The following ITGA9 variants were observed in gnomAD, a reference collection of about 807,000 sequenced individuals.
ITGA9 encodes integrin subunit alpha 9.
Under a neutral mutation model 127.8 loss-of-function variants are expected in ITGA9, and 56 were observed. That is an observed-to-expected ratio of 0.44 (90% CI 0.35 to 0.55). The LOEUF (loss-of-function observed/expected upper bound fraction) is 0.55. Ranked by LOEUF, ITGA9 falls within the 20% of genes least tolerant of loss-of-function variation. The probability of loss-of-function intolerance (pLI) is 0.00; values close to 1 mark genes in which losing one functional copy is unlikely to be tolerated. For synonymous variants in ITGA9, 508 were observed against 514.5 expected (o/e 0.99, Z 0.17); for missense variants, 1,196 against 1,347.1 (o/e 0.89, Z 1.76).
At chr3:37,732,948 T>G (rs1467329302) in intron 19 of ITGA9, 150 bp downstream of exon 19, 36 of 694,184 alleles carry the variant, frequency 5.2e-5, no homozygotes, top group Admixed American at 6.1e-5. Context: ...GACATGCTCC[T>G]GTCCCTGGCT....
Position 37,651,129 on chromosome 3 carries a change from A to G in ITGA9, c.1840-2585A>G, listed in dbSNP as rs377570900. Reference sequence around the variant, plus strand: ...TATTTGTGTACATGTGCATGTGTGCATATACACACACGCACTGTGTGTGTG... The same window carrying G: ...TATTTGTGTACATGTGCATGTGTGCGTATACACACACGCACTGTGTGTGTG... On this transcript the variant is annotated intron_variant, in intron 16 of 27. Coordinates refer to ENST00000264741, the MANE Select transcript of ITGA9 (RefSeq NM_002207.3). Among the ~76,000 whole-genome samples the G allele has an allele frequency of 1.1e-4, 17 of 152,308 alleles. No homozygotes were observed. In the South Asian group the frequency reaches 3.1e-3, roughly 28 times the overall value.
At chr3:37,706,028 TG>T (rs1345150288) in intron 18 of ITGA9, among the ~76,000 whole-genome samples, 1 of 152,142 alleles carries the variant, frequency 6.6e-6, no homozygotes, top group Non-Finnish European at 1.5e-5. Flanking sequence ...CAGCAAAAAG[TG>T]GAAAGACTGG....
chr3:37,561,200 T>G (rs889440100), intron 15 of ITGA9, among the ~76,000 whole-genome samples: 24 of 152,224 alleles, frequency 1.6e-4, no homozygotes, highest in African/African-American at 5.5e-4. Flanking sequence ...TAGTCCAATA[T>G]AGCCAAAATG....
intron 3 of ITGA9, among the ~76,000 whole-genome samples, chr3:37,475,643 G>A (rs1186586323): frequency 6.6e-6 from 1 of 152,192 alleles, no homozygotes; most frequent in African/African-American, 2.4e-5. Flanking sequence ...CACTCAGTAA[G>A]CCACTGTATA....
intron 16 of ITGA9, among the ~76,000 whole-genome samples, chr3:37,645,100 A>C (rs1182045844): frequency 2.0e-5 from 3 of 152,136 alleles, no homozygotes; most frequent in Non-Finnish European, 4.4e-5. Flanking sequence ...AAAAAAATTT[A>C]AATACTGTGC....
At chr3:37,743,827 TG>T in intron 21 of ITGA9, 98 bp from the exon 22 acceptor site, 1 of 862,190 alleles carries the variant, frequency 1.2e-6, no homozygotes. Context: ...TGCAAGACAC[TG>T]GATTAAATTG....
At chr3:37,591,577 T>A (rs1442311873) in intron 15 of ITGA9, among the ~76,000 whole-genome samples, 5 of 152,132 alleles carry the variant, frequency 3.3e-5, no homozygotes, top group Non-Finnish European at 5.9e-5. Flanking sequence ...TAGATCTGCT[T>A]TGGGGCTGTC....
intron 7 of ITGA9, among the ~76,000 whole-genome samples, chr3:37,506,325 C>T (rs538128091): frequency 1.3e-5 from 2 of 152,220 alleles, no homozygotes; most frequent in East Asian, 3.9e-4. Context: ...AGGTTTTTCA[C>T]AGCTGACCAT....
chr3:37,732,842 G>C, intron 19 of ITGA9, 44 bp downstream of exon 19: 1 of 1,450,844 alleles, frequency 6.9e-7, no homozygotes, highest in Non-Finnish European at 9.6e-7. Flanking sequence ...CAGGCCCCCA[G>C]CCCTTCCACC....
At chr3:37,809,851 C>A (rs989050943) in intron 27 of ITGA9, among the ~76,000 whole-genome samples, 3 of 152,318 alleles carry the variant, frequency 2.0e-5, no homozygotes, top group African/African-American at 7.2e-5. Context: ...ACTGACAGTA[C>A]GGTGCAGTAA....
intron 15 of ITGA9, chr3:37,585,668 C>A (rs747780085): frequency 3.9e-6 from 2 of 513,404 alleles, no homozygotes; most frequent in Non-Finnish European, 7.8e-6. Context: ...GAAGTCTCAA[C>A]ACAAGGAAAC....
chr3:37,529,633 C>A (rs1480651010), intron 13 of ITGA9, among the ~76,000 whole-genome samples: 1 of 152,224 alleles, frequency 6.6e-6, no homozygotes, highest in Non-Finnish European at 1.5e-5. Flanking sequence ...ATTTTCTGGT[C>A]TCCCAAGTCC....
chr3:37,644,208 C>G (rs1402320953), intron 16 of ITGA9, among the ~76,000 whole-genome samples: 11 of 152,124 alleles, frequency 7.2e-5, no homozygotes. Flanking sequence ...GCTGGGAGTC[C>G]CATGGGGCCA....
chr3:37,585,723 A>C (rs1699752390), intron 15 of ITGA9: 1 of 491,410 alleles, frequency 2.0e-6, no homozygotes, highest in African/African-American at 2.0e-5. Context: ...TTTATTTGCG[A>C]AGGGGTGGTG....
chr3:37,458,657 T>G (rs1376710637), intron 1 of ITGA9, among the ~76,000 whole-genome samples: 1 of 152,172 alleles, frequency 6.6e-6, no homozygotes, highest in Non-Finnish European at 1.5e-5. Flanking sequence ...CTGCCACGCG[T>G]GAATCACTGT....
Position 37,727,685 on chromosome 3 carries a change from A to G in ITGA9, c.2068-5027A>G, listed in dbSNP as rs140992709. ...GCTTTTGAATGTGAATTTTCCTACTATTTCATAAGATAACATCCTTTGCTT... is the reference window on the plus strand; with the variant it reads ...GCTTTTGAATGTGAATTTTCCTACTGTTTCATAAGATAACATCCTTTGCTT... On this transcript the variant is annotated intron_variant, in intron 18 of 27. Coordinates refer to ENST00000264741, the MANE Select transcript of ITGA9 (RefSeq NM_002207.3). Among the ~76,000 whole-genome samples the G allele has an allele frequency of 4.3e-4, 65 of 152,292 alleles. No homozygotes were observed. The East Asian group carries it at 0.01, about 23-fold the overall frequency.
At chr3:37,693,714 ACAAAG>A (rs1335022888) in intron 18 of ITGA9, among the ~76,000 whole-genome samples, 1 of 152,218 alleles carries the variant, frequency 6.6e-6, no homozygotes, top group African/African-American at 2.4e-5. Context: ...GGGCAGGAGA[ACAAAG>A]CAAATTGTGT....
Position 37,757,276 on chromosome 3 carries a change from A to G in ITGA9, c.2541+6707A>G, listed in dbSNP as rs377034019. ...AATAGACAAACCTGCAGCAAGCTTC[A>G]ACAAGAAATAAAGAAGAGCGATGAT... On this transcript the variant is annotated intron_variant, in intron 23 of 27. Transcript: ENST00000264741. 1.6e-4 allele frequency among the ~76,000 whole-genome samples: 24 copies of G among 152,040 alleles called. No individual in the cohort carries two copies. In the East Asian group the frequency reaches 2.9e-3, roughly 18 times the overall value.
At chr3:37,745,086 G>A (rs914162204) in intron 22 of ITGA9, among the ~76,000 whole-genome samples, 12 of 152,226 alleles carry the variant, frequency 7.9e-5, no homozygotes, top group African/African-American at 2.9e-4. Context: ...ATTCACTGCT[G>A]TGGCTAAATA....
Sources: allele counts gnomAD v4.1 joint callset (sites outside exome capture counted in the v4.1 genomes callset), GRCh38; gene constraint gnomAD v4.1.1; transcripts MANE v1.5; gene names NCBI Gene and HGNC (gene_info 2026-07-23, HGNC 2026-07-21).